Variants in AGBL4 observed in about 807,000 individuals in gnomAD.
AGBL4 encodes the protein AGBL carboxypeptidase 4, also known as cytosolic carboxypeptidase 6.
In AGBL4, 58 loss-of-function variants were observed where a neutral mutation model predicts 66.4. The observed-to-expected ratio is 0.87, with a 90% confidence interval of 0.71 to 1.09. The LOEUF (loss-of-function observed/expected upper bound fraction) is 1.09. Ranked by LOEUF, AGBL4 falls within the 50% of genes least tolerant of loss-of-function variation. The pLI is 0.00. For missense variants in AGBL4, 579 were observed against 631.0 expected, an observed-to-expected ratio of 0.92 and a Z score of 0.88; for synonymous variants, 234 against 222.9, an observed-to-expected ratio of 1.05 and a Z score of -0.44.
chr1:48,538,869 T>C (rs1644015256), intron 12 of AGBL4, among the ~76,000 whole-genome samples: 3 of 152,138 alleles, frequency 2.0e-5, no homozygotes, highest in Admixed American at 2.0e-4. Flanking sequence ...GAGTTGGGCA[T>C]TGTCATGTCC....
intron 3 of AGBL4, among the ~76,000 whole-genome samples, chr1:49,658,133 T>C (rs1646186283): frequency 6.6e-6 from 1 of 152,060 alleles, no homozygotes; most frequent in Non-Finnish European, 1.5e-5. Flanking sequence ...ATCTCCAGAA[T>C]CTACAATGAA....
At chr1:49,734,365 A>G (rs758664914) in intron 2 of AGBL4, among the ~76,000 whole-genome samples, 17 of 152,146 alleles carry the variant, frequency 1.1e-4, no homozygotes, top group Non-Finnish European at 2.1e-4. Context: ...AAATGTTCCT[A>G]TTCACAGATG....
intron 9 of AGBL4, among the ~76,000 whole-genome samples, chr1:48,633,037 A>G (rs1324389520): frequency 6.6e-6 from 1 of 152,224 alleles, no homozygotes; most frequent in Non-Finnish European, 1.5e-5. Context: ...TTTGGTGAGC[A>G]CAGTTCACAC....
intron 4 of AGBL4, among the ~76,000 whole-genome samples, chr1:49,198,829 G>C (rs1185700195): frequency 6.6e-6 from 1 of 151,622 alleles, no homozygotes; most frequent in Non-Finnish European, 1.5e-5. Flanking sequence ...TAAGCCTTCA[G>C]CCTTGCTTTT....
chr1:48,889,405 G>A (rs530673592), intron 5 of AGBL4, among the ~76,000 whole-genome samples: 1 of 152,304 alleles, frequency 6.6e-6, no homozygotes, highest in South Asian at 2.1e-4. Context: ...TGGAAGGGAG[G>A]GGTATAGACA....
chr1:49,095,999 A>C (rs1182139734), intron 4 of AGBL4, among the ~76,000 whole-genome samples: 1 of 151,778 alleles, frequency 6.6e-6, no homozygotes, highest in Admixed American at 6.5e-5. Flanking sequence ...ACAAAAAAAA[A>C]CAAACAACCC....
intron 3 of AGBL4, among the ~76,000 whole-genome samples, chr1:49,445,033 T>C (rs140056600): frequency 6.6e-6 from 1 of 152,146 alleles, no homozygotes; most frequent in Non-Finnish European, 1.5e-5. Flanking sequence ...TTGAGCATTT[T>C]TCTATGGCTG....
Position 49,929,023 on chromosome 1 carries a change from G to A in AGBL4, c.35-77505C>T, listed in dbSNP as rs985464772. 3.3e-5 allele frequency among the ~76,000 whole-genome samples: 5 copies of A among 152,132 alleles called. No individual in the cohort carries two copies. The East Asian group carries it at 7.7e-4, about 23-fold the overall frequency. ...AAATCATATCCTTTGCAGCAACATG[G>A]ATGCAGCTGGCAACAATTATCCTGA... On this transcript the variant is annotated intron_variant, in intron 1 of 13. Transcript: ENST00000371839.
At chr1:49,567,731 A>G (rs1232907558) in intron 3 of AGBL4, among the ~76,000 whole-genome samples, 2 of 152,100 alleles carry the variant, frequency 1.3e-5, no homozygotes, top group Admixed American at 6.6e-5. Context: ...CCCTCATTCT[A>G]TGAGGCCAGC....
intron 6 of AGBL4, among the ~76,000 whole-genome samples, chr1:48,723,984 C>T (rs906884971): frequency 1.3e-5 from 2 of 152,254 alleles, no homozygotes; most frequent in Non-Finnish European, 2.9e-5. Context: ...TCAGCATGCA[C>T]GGGGGAAAGC....
At chr1:49,857,011 C>A (rs1440714718) in intron 1 of AGBL4, among the ~76,000 whole-genome samples, 3 of 149,526 alleles carry the variant, frequency 2.0e-5, no homozygotes. Context: ...ACTGTTGAAA[C>A]TGATAAATTA....
chr1:49,913,897 G>T (rs767510859), intron 1 of AGBL4, among the ~76,000 whole-genome samples: 1 of 152,158 alleles, frequency 6.6e-6, no homozygotes. Flanking sequence ...GGAGGCCCTG[G>T]CAGCAAGCCC....
intron 3 of AGBL4, among the ~76,000 whole-genome samples, chr1:49,482,371 G>A (rs551224202): frequency 6.6e-6 from 1 of 152,056 alleles, no homozygotes; most frequent in East Asian, 1.9e-4. Context: ...ATGCGAGGGT[G>A]TAAGTGCCCA....
intron 6 of AGBL4, chr1:48,759,495 G>C: frequency 1.0e-6 from 1 of 996,098 alleles, no homozygotes; most frequent in Non-Finnish European, 1.4e-6. Context: ...GTGGGGAAGG[G>C]GCTTGCCCAA....
chr1:49,948,297 A>C (rs1331224749), intron 1 of AGBL4, among the ~76,000 whole-genome samples: 5 of 109,990 alleles, frequency 4.5e-5, no homozygotes, highest in African/African-American at 1.5e-4. Flanking sequence ...AATATATAAA[A>C]ATATATATAA....
At chr1:49,263,002 G>T (rs532453519) in intron 3 of AGBL4, among the ~76,000 whole-genome samples, 42 of 152,298 alleles carry the variant, frequency 2.8e-4, no homozygotes, top group Admixed American at 5.2e-4. Flanking sequence ...CATGTCCTTT[G>T]TAGGGACATG....
At chr1:49,960,986 G>C (rs758424752) in intron 1 of AGBL4, among the ~76,000 whole-genome samples, 1 of 152,032 alleles carries the variant, frequency 6.6e-6, no homozygotes, top group Non-Finnish European at 1.5e-5. Context: ...AAATGAAAAG[G>C]TAGGTACCAA....
chr1:49,678,277 T>A (rs993607771), intron 3 of AGBL4, among the ~76,000 whole-genome samples: 5 of 152,172 alleles, frequency 3.3e-5, no homozygotes, highest in Non-Finnish European at 7.4e-5. Flanking sequence ...TTTGTTATTT[T>A]ATTGACATCT....
At chr1:49,984,724 C>T (rs1458343651) in intron 1 of AGBL4, among the ~76,000 whole-genome samples, 1 of 152,112 alleles carries the variant, frequency 6.6e-6, no homozygotes, top group East Asian at 1.9e-4. Context: ...TTACAGTTAA[C>T]AATTGAAACC....
Sources: gnomAD v4.1 joint callset for allele counts (sites outside exome capture counted in the v4.1 genomes callset) on GRCh38, gnomAD v4.1.1 for gene constraint, MANE v1.5 for transcripts, NCBI Gene and HGNC (gene_info 2026-07-23, HGNC 2026-07-21) for gene names.